OTULIN: variants seen among roughly 807,000 people sequenced by gnomAD.
OTULIN encodes the protein ubiquitin thioesterase otulin.
OTULIN carries 15 observed loss-of-function variants against 39.6 expected under a neutral mutation model. The observed-to-expected ratio is 0.38, with a 90% CI of 0.25 to 0.58. The LOEUF (loss-of-function observed/expected upper bound fraction) is 0.58. Ranked by LOEUF, OTULIN falls within the 20% of genes least tolerant of loss-of-function variation. The pLI is 0.66. For missense variants in OTULIN, 319 were observed against 445.9 expected (o/e 0.72, Z 2.56); for synonymous variants, 156 against 170.3 (o/e 0.92, Z 0.65).
At chr5:14,675,599 G>A (rs150028423) in intron 2 of OTULIN, among the ~76,000 whole-genome samples, 4 of 152,284 alleles carry the variant, frequency 2.6e-5, no homozygotes, top group African/African-American at 9.6e-5. Flanking sequence ...ACCGCTGACA[G>A]TATTTCACCC....
rs149452680 is a variant in OTULIN at position 14,672,149 on chromosome 5, G to A, written c.153-1493G>A. ...GGGGGCAGGTCAGGAGTTGTGGGCC[G>A]TTCAGGAAGAGGGAACATCTGAGCA... On this transcript the variant is annotated intron_variant, in intron 1 of 6. Coordinates refer to ENST00000284274, the MANE Select transcript of OTULIN (RefSeq NM_138348.6). 2.0e-3 allele frequency among the ~76,000 whole-genome samples: 299 copies of A among 152,262 alleles called. 1 individual carries two copies. The highest frequency in any genetic ancestry group is 6.9e-3 in the African/African-American group (286 of 41,550).
At chr5:14,715,792 C>T in the OTULIN span, among the ~76,000 whole-genome samples, 3 of 152,202 alleles carry the variant, frequency 2.0e-5, no homozygotes, top group Non-Finnish European at 2.9e-5. Flanking sequence ...CTGATTTAAT[C>T]TAGAACAACC....
chr5:14,711,023 G>T, the OTULIN span: 1 of 675,060 alleles, frequency 1.5e-6, no homozygotes, highest in Admixed American at 2.1e-5. Flanking sequence ...CCCCCCGTCA[G>T]TGTGAGCATA....
At chr5:14,702,379 A>G (rs1736814399), downstream of OTULIN, among the ~76,000 whole-genome samples, 1 of 152,170 alleles carries the variant, frequency 6.6e-6, no homozygotes. Context: ...AGGGCTGGAA[A>G]AACAGACTTG....
chr5:14,677,178 T>G (rs1244876163), intron 2 of OTULIN, among the ~76,000 whole-genome samples: 1 of 152,158 alleles, frequency 6.6e-6, no homozygotes, highest in Non-Finnish European at 1.5e-5. Context: ...ATTTAGGGCC[T>G]CTTTTGTGCT....
downstream of OTULIN, among the ~76,000 whole-genome samples, chr5:14,703,324 C>CAAAAAAAAAAAAAAAAAAAA (rs59779015): frequency 8.2e-6 from 1 of 122,120 alleles, no homozygotes; most frequent in Non-Finnish European, 1.7e-5. Flanking sequence ...TTAATAGTGT[C>CAAAAAAAAAAAAAAAAAAAA]AAAAAAAAAA....
chr5:14,677,604 A>T (rs762420369), intron 2 of OTULIN, among the ~76,000 whole-genome samples: 1 of 152,226 alleles, frequency 6.6e-6, no homozygotes, highest in Non-Finnish European at 1.5e-5. Flanking sequence ...AACTAGGGAA[A>T]ATATAAAGGC....
At position 14,697,277 on chromosome 5, in the gene OTULIN, A is replaced by G. The variant is rs1736695202; in HGVS notation, c.*4229A>G. The G allele has an allele frequency of 6.6e-6, 1 of 152,192 alleles. No individual in the cohort carries two copies. The highest frequency in any genetic ancestry group is 2.4e-5 in the African/African-American group (1 of 41,416). The allele number at this position is 152,192 out of a possible 1,614,324, so 9.4% of individuals were successfully genotyped here. A position where few individuals can be genotyped will look rare whatever the true frequency, so the allele number is the denominator to read the frequency against. ...ACTGCAACTTTTGCCTCCTGGTTCA[A>G]GCAGTTCTCCTGCCTCAGCCTGCCA... On this transcript the variant is annotated 3_prime_UTR_variant, in exon 7 of 7. Transcript: ENST00000284274.
chr5:14,711,625 TCA>T, the OTULIN span, among the ~76,000 whole-genome samples: 3 of 152,168 alleles, frequency 2.0e-5, no homozygotes, highest in African/African-American at 7.2e-5. Context: ...CCCCGACTCC[TCA>T]CAGTCACCTG....
the OTULIN span, chr5:14,713,785 T>C: frequency 6.9e-7 from 1 of 1,457,294 alleles, no homozygotes. The surrounding 1 kb of genome is among the most constrained non-coding windows in gnomAD (Gnocchi z 4.4). Flanking sequence ...CTGGCCTTGC[T>C]GTTGAGCCGC....
the OTULIN span, chr5:14,705,817 T>A: frequency 6.6e-6 from 1 of 152,518 alleles, no homozygotes; most frequent in East Asian, 1.9e-4. Context: ...GCAAGGGTGG[T>A]TTGAACTTAG....
chr5:14,711,375 G>C, the OTULIN span: 3 of 1,405,236 alleles, frequency 2.1e-6, no homozygotes, highest in South Asian at 2.3e-5. Context: ...AGAACCACGA[G>C]CAGGGAGACA....
the OTULIN span, chr5:14,713,773 CCCTGGCCTTG>C: frequency 6.5e-7 from 1 of 1,540,732 alleles, no homozygotes; most frequent in South Asian, 1.1e-5. The surrounding 1 kb of genome is among the most constrained non-coding windows in gnomAD (Gnocchi z 4.4). Flanking sequence ...CTGCCTAGGA[CCCTGGCCTTG>C]CTGTTGAGCC....
the OTULIN span, chr5:14,713,012 CCAAGT>C: frequency 1.3e-6 from 2 of 1,583,766 alleles, no homozygotes; most frequent in Middle Eastern, 1.7e-4. This position sits in a 1 kb window ranked among gnomAD's most constrained non-coding sequence, Gnocchi z 4.4. Context: ...TCTGTTAAGG[CCAAGT>C]CAAGGCACAA....
chr5:14,701,890 C>T (rs557210501), downstream of OTULIN, among the ~76,000 whole-genome samples: 1 of 152,302 alleles, frequency 6.6e-6, no homozygotes, highest in South Asian at 2.1e-4. Flanking sequence ...AAGCAGGGCG[C>T]TCATCAGGCC....
chr5:14,699,763 C>T lies in OTULIN; in HGVS notation c.*6715C>T, dbSNP rs765605802. The T allele has an allele frequency of 7.9e-5, 12 of 152,166 alleles. No homozygotes were observed. The highest frequency in any genetic ancestry group is 2.7e-4 in the African/African-American group (11 of 41,426). The allele number at this position is 152,166 out of a possible 1,614,324, so 9.4% of individuals were successfully genotyped here. A position where few individuals can be genotyped will look rare whatever the true frequency, so the allele number is the denominator to read the frequency against. ...GTTTGTACAGTATTTTTCTATTGAC[C>T]GCTTCCGTCTTGCCTGAAACCTGGG... On this transcript the variant is annotated 3_prime_UTR_variant, in exon 7 of 7. Coordinates refer to ENST00000284274, the MANE Select transcript of OTULIN (RefSeq NM_138348.6).
intron 1 of OTULIN, among the ~76,000 whole-genome samples, chr5:14,668,861 C>CA (rs1735914693): frequency 6.6e-6 from 1 of 152,178 alleles, no homozygotes; most frequent in South Asian, 2.1e-4. Context: ...GCTTTTAACT[C>CA]ACAGCTTTTG....
At chr5:14,705,036 G>A in the OTULIN span, 1 of 152,256 alleles carries the variant, frequency 6.6e-6, no homozygotes, top group South Asian at 2.1e-4. Context: ...TATTTTATTT[G>A]TATTTTAGAG....
At chr5:14,711,181 C>G in the OTULIN span, 1 of 1,596,830 alleles carries the variant, frequency 6.3e-7, no homozygotes, top group Non-Finnish European at 8.6e-7. Flanking sequence ...CTGCAGTGCC[C>G]ATGGCGTCCC....
Sources: gnomAD v4.1 joint callset for allele counts (sites outside exome capture counted in the v4.1 genomes callset) on GRCh38, gnomAD v4.1.1 for gene constraint, Gnocchi (gnomAD v3.1) non-coding constraint, MANE v1.5 for transcripts, NCBI Gene and HGNC (gene_info 2026-07-23, HGNC 2026-07-21) for gene names.